The following KCNH1 variants were observed in gnomAD, a reference collection of about 807,000 sequenced individuals.
KCNH1 encodes the protein voltage-gated delayed rectifier potassium channel KCNH1.
In KCNH1, 27 loss-of-function variants were observed where a neutral mutation model predicts 69.2. The observed-to-expected ratio is 0.39, with a 90% CI of 0.29 to 0.54. The LOEUF is 0.54. Ranked by LOEUF, KCNH1 falls within the 20% of genes least tolerant of loss-of-function variation. KCNH1 has a pLI of 0.68. For synonymous variants in KCNH1, 456 were observed against 487.7 expected (o/e 0.93, Z 0.86); for missense variants, 798 against 1,261.6 (o/e 0.63, Z 5.57).
intron 5 of KCNH1, 149 bp downstream of exon 5, chr1:211,082,631 A>G: frequency 3.0e-6 from 2 of 673,370 alleles, no homozygotes; most frequent in Non-Finnish European, 5.3e-6. Flanking sequence ...ACCCAGTATC[A>G]TACACTGTGG....
chr1:210,996,638 G>A (rs996052864), intron 6 of KCNH1, among the ~76,000 whole-genome samples: 1 of 152,164 alleles, frequency 6.6e-6, no homozygotes, highest in Non-Finnish European at 1.5e-5. Context: ...AGACAGTAGT[G>A]GTTCTCCCAG....
At chr1:211,003,961 T>A (rs565791462) in intron 6 of KCNH1, among the ~76,000 whole-genome samples, 4 of 151,834 alleles carry the variant, frequency 2.6e-5, no homozygotes, top group South Asian at 4.2e-4. Context: ...GGCGAGGTGG[T>A]GGGCGCCTGT....
At chr1:211,108,517 G>T (rs545278739) in intron 1 of KCNH1, 1 of 152,080 alleles carries the variant, frequency 6.6e-6, no homozygotes, top group Non-Finnish European at 1.5e-5. Context: ...CTTCAGATAG[G>T]CTTCTCCACC....
chr1:210,903,060 T>A (rs899944726), intron 7 of KCNH1, among the ~76,000 whole-genome samples: 1 of 152,194 alleles, frequency 6.6e-6, no homozygotes, highest in African/African-American at 2.4e-5. Context: ...ATGCATTTCA[T>A]TCTCCTCAAA....
intron 7 of KCNH1, among the ~76,000 whole-genome samples, chr1:210,838,398 G>C (rs945878143): frequency 6.6e-6 from 1 of 150,646 alleles, no homozygotes; most frequent in Non-Finnish European, 1.5e-5. Context: ...CCTTCCTTAC[G>C]CCTTATATAA....
chr1:210,810,753 T>TA (rs1684686328), intron 7 of KCNH1, among the ~76,000 whole-genome samples: 1 of 152,208 alleles, frequency 6.6e-6, no homozygotes, highest in Admixed American at 6.5e-5. Flanking sequence ...ATAAGCCTAT[T>TA]TTTAAGTTGA....
At chr1:210,720,050 T>C (rs1331428089) in intron 10 of KCNH1, among the ~76,000 whole-genome samples, 3 of 152,196 alleles carry the variant, frequency 2.0e-5, no homozygotes, top group African/African-American at 7.2e-5. Flanking sequence ...GGCCACATCA[T>C]TGCAGTACAC....
intron 6 of KCNH1, among the ~76,000 whole-genome samples, chr1:211,002,248 GTA>G (rs200667728): frequency 2.8e-5 from 4 of 144,794 alleles, no homozygotes; most frequent in South Asian, 2.2e-4. Flanking sequence ...ATATGTATAC[GTA>G]TATATATACA....
At chr1:211,101,578 A>G (rs1003617271) in intron 3 of KCNH1, among the ~76,000 whole-genome samples, 8 of 152,180 alleles carry the variant, frequency 5.3e-5, no homozygotes, top group Non-Finnish European at 1.2e-4. Flanking sequence ...GCACAGATGC[A>G]ATTCCAGACC....
intron 5 of KCNH1, among the ~76,000 whole-genome samples, chr1:211,033,955 C>G (rs988689977): frequency 1.3e-5 from 2 of 151,750 alleles, no homozygotes; most frequent in African/African-American, 4.8e-5. Context: ...GGTGAGAATG[C>G]AGATAAACTA....
chr1:210,947,583 AAAAAAGCTC>A (rs987493031), intron 6 of KCNH1, among the ~76,000 whole-genome samples: 10 of 152,152 alleles, frequency 6.6e-5, no homozygotes, highest in Admixed American at 5.2e-4. Context: ...TCAAAAAAAA[AAAAAAGCTC>A]AATTCTTCAC....
At chr1:210,841,038 A>G (rs1685396512) in intron 7 of KCNH1, among the ~76,000 whole-genome samples, 1 of 152,156 alleles carries the variant, frequency 6.6e-6, no homozygotes, top group Non-Finnish European at 1.5e-5. Flanking sequence ...ACAGAGCGGT[A>G]GCCTCTGCAA....
intron 7 of KCNH1, among the ~76,000 whole-genome samples, chr1:210,874,556 C>A (rs927133634): frequency 6.6e-6 from 1 of 152,090 alleles, no homozygotes; most frequent in Non-Finnish European, 1.5e-5. Context: ...ATAGTGAATA[C>A]CAAGGCAAGA....
At chr1:211,120,496 A>G (rs1007925290) in intron 1 of KCNH1, among the ~76,000 whole-genome samples, 4 of 152,066 alleles carry the variant, frequency 2.6e-5, no homozygotes, top group African/African-American at 4.8e-5. Context: ...GGCCTGATTC[A>G]ATAGATTTTA....
At chr1:210,896,137 G>C (rs1686861883) in intron 7 of KCNH1, among the ~76,000 whole-genome samples, 1 of 152,116 alleles carries the variant, frequency 6.6e-6, no homozygotes, top group Admixed American at 6.5e-5. Flanking sequence ...AGCTGGTATA[G>C]GACCATGCTC....
At chr1:210,802,305 G>A (rs943144327) in intron 8 of KCNH1, among the ~76,000 whole-genome samples, 1 of 152,192 alleles carries the variant, frequency 6.6e-6, no homozygotes, top group Non-Finnish European at 1.5e-5. Context: ...CAATTCTAAT[G>A]AAGGAAGACT....
intron 10 of KCNH1, among the ~76,000 whole-genome samples, chr1:210,685,883 G>C (rs1681398583): frequency 6.6e-6 from 1 of 152,242 alleles, no homozygotes; most frequent in Admixed American, 6.5e-5. Flanking sequence ...GAATCCATCA[G>C]CAAATCGCTG....
At chr1:210,935,182 T>TAA (rs56135512) in intron 6 of KCNH1, among the ~76,000 whole-genome samples, 115 of 133,570 alleles carry the variant, frequency 8.6e-4, no homozygotes, top group Non-Finnish European at 1.2e-3. Flanking sequence ...TATTCAGCCA[T>TAA]AAAAAAAAAA....
At chr1:210,925,715 T>G (rs1687558387) in intron 6 of KCNH1, among the ~76,000 whole-genome samples, 1 of 152,214 alleles carries the variant, frequency 6.6e-6, no homozygotes, top group African/African-American at 2.4e-5. Context: ...CCACAGCAAC[T>G]GCAGCAAGCC....
Sources: gnomAD v4.1 joint callset for allele counts (sites outside exome capture counted in the v4.1 genomes callset) on GRCh38, gnomAD v4.1.1 for gene constraint, MANE v1.5 for transcripts, NCBI Gene and HGNC (gene_info 2026-07-23, HGNC 2026-07-21) for gene names.